The following ZBTB16 variants were observed in gnomAD, a reference collection of about 807,000 sequenced individuals.
The protein encoded by ZBTB16 is zinc finger and BTB domain containing 16.
In ZBTB16, 8 loss-of-function variants were observed where a neutral mutation model predicts 56.8. That is an observed-to-expected ratio of 0.14 (90% CI 0.08 to 0.25). ZBTB16 has a LOEUF of 0.25. Among genes scored for constraint, ZBTB16 ranks in the 10% least tolerant of loss-of-function variants. ZBTB16 has a pLI of 1.00. For synonymous variants in ZBTB16, 363 were observed against 368.5 expected (o/e 0.98, Z 0.17); for missense variants, 625 against 903.0 (o/e 0.69, Z 3.95).
At chr11:114,233,950 G>A (rs578061072) in intron 4 of ZBTB16, among the ~76,000 whole-genome samples, 1 of 152,306 alleles carries the variant, frequency 6.6e-6, no homozygotes, top group East Asian at 1.9e-4. Context: ...GAGACTGAAA[G>A]TTGTATGTGT....
intron 4 of ZBTB16, chr11:114,209,901 A>G (rs1376809176): frequency 2.0e-6 from 2 of 985,276 alleles, no homozygotes; most frequent in Non-Finnish European, 2.4e-6. Context: ...GGATATCTGT[A>G]TGTCTGCTAC....
intron 2 of ZBTB16, among the ~76,000 whole-genome samples, chr11:114,124,399 C>T (rs1941431986): frequency 6.6e-6 from 1 of 151,928 alleles, no homozygotes; most frequent in Non-Finnish European, 1.5e-5. Flanking sequence ...TCTATTCTCT[C>T]TTAGCATCTC....
At chr11:114,104,962 G>A (rs1940736667) in intron 2 of ZBTB16, among the ~76,000 whole-genome samples, 1 of 152,096 alleles carries the variant, frequency 6.6e-6, no homozygotes, top group Non-Finnish European at 1.5e-5. Flanking sequence ...ACAGGCCGTG[G>A]TACTTGCCTT....
At chr11:114,233,081 G>GCGCGCGCA (rs1250341636) in intron 4 of ZBTB16, among the ~76,000 whole-genome samples, 5 of 87,478 alleles carry the variant, frequency 5.7e-5, no homozygotes, top group South Asian at 9.7e-4. Context: ...GCGCGCGCGC[G>GCGCGCGCA]CACACACACA....
intron 2 of ZBTB16, among the ~76,000 whole-genome samples, chr11:114,094,516 G>A (rs1940308785): frequency 6.6e-6 from 1 of 152,182 alleles, no homozygotes; most frequent in Admixed American, 6.5e-5. Context: ...GTGGCATCCA[G>A]CTTCTAGGGG....
intron 2 of ZBTB16, among the ~76,000 whole-genome samples, chr11:114,152,851 G>A (rs7117576): frequency 0.21 from 31,722 of 152,166 alleles, 5,218 homozygotes; most frequent in African/African-American, 0.46. Context: ...AGATGGCCAC[G>A]TGCAATTAAA....
Position 114,101,299 on chromosome 11 carries a change from G to A in ZBTB16, c.1268+36731G>A, listed in dbSNP as rs994683695. ...GGATTACAGGTGTGAGCCACAGCGC[G>A]AGGCCTTGTTTGGTGTTTTTGTTTG... On this transcript the variant is annotated intron_variant, in intron 2 of 6. Transcript: ENST00000335953. Among the ~76,000 whole-genome samples the A allele has an allele frequency of 2.2e-4, 33 of 152,144 alleles. 1 individual carries two copies. The highest frequency in any genetic ancestry group is 8.0e-4 in the African/African-American group (33 of 41,450).
intron 2 of ZBTB16, among the ~76,000 whole-genome samples, chr11:114,104,169 A>G (rs890024087): frequency 2.0e-5 from 3 of 152,182 alleles, no homozygotes; most frequent in African/African-American, 7.2e-5. Flanking sequence ...TTTCTGTTTT[A>G]TCCCAGGGTG....
chr11:114,072,869 A>G (rs978020129), intron 2 of ZBTB16, among the ~76,000 whole-genome samples: 1 of 151,836 alleles, frequency 6.6e-6, no homozygotes, highest in African/African-American at 2.4e-5. Flanking sequence ...TGGCTAACAC[A>G]GTGAAACCCC....
intron 2 of ZBTB16, among the ~76,000 whole-genome samples, chr11:114,108,630 G>C (rs1422869191): frequency 6.6e-6 from 1 of 152,160 alleles, no homozygotes; most frequent in Non-Finnish European, 1.5e-5. Context: ...GATGAGGCTA[G>C]ATGGGGGTGG....
At position 114,251,584 on chromosome 11, in the gene ZBTB16, A is replaced by G. The variant is rs1944917645; in HGVS notation, c.*1029A>G. ...CTCTAGAGGGGTCCCACACCTGGAA[A>G]AGAGGACACCCAGCCCGTGGGATGA... On this transcript the variant is annotated 3_prime_UTR_variant, in exon 7 of 7. Transcript: ENST00000335953. Among the ~76,000 whole-genome samples the G allele has an allele frequency of 6.6e-6, 1 of 152,158 alleles. No individual in the cohort carries two copies. Among genetic ancestry groups the G allele is most frequent in the Non-Finnish European group, 1.5e-5 (1 of 68,032 alleles).
At chr11:114,115,024 A>G (rs1030227635) in intron 2 of ZBTB16, among the ~76,000 whole-genome samples, 1 of 152,118 alleles carries the variant, frequency 6.6e-6, no homozygotes, top group African/African-American at 2.4e-5. Context: ...CACAGAAATA[A>G]AGATCTCAGG....
At chr11:114,124,875 T>A (rs140136124) in intron 2 of ZBTB16, among the ~76,000 whole-genome samples, 2 of 152,282 alleles carry the variant, frequency 1.3e-5, no homozygotes, top group East Asian at 3.9e-4. Flanking sequence ...GGAGGAGAGT[T>A]CATGAGCAAG....
chr11:114,203,781 C>T (rs1319836957), intron 4 of ZBTB16, among the ~76,000 whole-genome samples: 2 of 152,098 alleles, frequency 1.3e-5, no homozygotes, highest in African/African-American at 2.4e-5. Context: ...GACTGTGGCA[C>T]CTTTAGAATC....
chr11:114,219,424 G>A (rs568250780), intron 4 of ZBTB16, among the ~76,000 whole-genome samples: 3 of 152,266 alleles, frequency 2.0e-5, no homozygotes, highest in Non-Finnish European at 4.4e-5. Flanking sequence ...TGAGTGGGTG[G>A]CTGGGTCTTT....
chr11:114,183,366 G>C (rs1039641486), intron 3 of ZBTB16, among the ~76,000 whole-genome samples: 6 of 152,162 alleles, frequency 3.9e-5, no homozygotes, highest in African/African-American at 1.4e-4. Flanking sequence ...GTGCTTATCT[G>C]TCTTCATCTT....
chr11:114,197,428 C>A (rs984693583), intron 4 of ZBTB16, among the ~76,000 whole-genome samples: 1 of 152,246 alleles, frequency 6.6e-6, no homozygotes, highest in African/African-American at 2.4e-5. Context: ...ACTCTGTCTT[C>A]CCCCCACTCT....
chr11:114,098,217 A>G (rs531324054), intron 2 of ZBTB16, among the ~76,000 whole-genome samples: 2 of 152,312 alleles, frequency 1.3e-5, no homozygotes, highest in East Asian at 3.9e-4. Context: ...AGATGAAAAT[A>G]TAAGTTCTGG....
At chr11:114,208,828 A>G (rs1159933273) in intron 4 of ZBTB16, among the ~76,000 whole-genome samples, 1 of 152,256 alleles carries the variant, frequency 6.6e-6, no homozygotes, top group African/African-American at 2.4e-5. Flanking sequence ...TTAAGTATTC[A>G]GTAATTAAGT....
Sources: allele counts gnomAD v4.1 joint callset (sites outside exome capture counted in the v4.1 genomes callset), GRCh38; gene constraint gnomAD v4.1.1; transcripts MANE v1.5; gene names NCBI Gene and HGNC (gene_info 2026-07-23, HGNC 2026-07-21).